Variants in KCNN2 observed in about 807,000 individuals in gnomAD.
KCNN2 encodes the protein small conductance calcium-activated potassium channel protein 2.
Under a neutral mutation model 55.5 loss-of-function variants are expected in KCNN2, and 24 were observed. The ratio of observed to expected loss-of-function variants is 0.43; its 90% confidence interval spans 0.31 to 0.61. KCNN2 has a LOEUF of 0.61. Ranked by LOEUF, KCNN2 falls within the 20% of genes least tolerant of loss-of-function variation. The pLI is 0.08. For missense variants in KCNN2, 754 were observed against 853.6 expected, an observed-to-expected ratio of 0.88 and a Z score of 1.45; for synonymous variants, 431 against 336.1, an observed-to-expected ratio of 1.28 and a Z score of -3.09.
intron 1 of KCNN2, among the ~76,000 whole-genome samples, chr5:114,086,548 C>A (rs543002265): frequency 1.3e-5 from 2 of 151,980 alleles, no homozygotes; most frequent in African/African-American, 4.8e-5. Context: ...GTTTTCTATT[C>A]CTGCATTAAT....
rs1180439307 is a variant in KCNN2, at chr5:114,463,168, T to G, written c.1757T>G (p.Val586Gly). 6.2e-7 allele frequency: 1 copy of G among 1,611,136 alleles called. No individual in the cohort carries two copies. Among genetic ancestry groups the G allele is most frequent in the Non-Finnish European group, 8.5e-7 (1 of 1,179,010 alleles). ...CCTAACACATACTGTGGAAAAGGAG[T>G]CTGCTTACTTACTGGAATTATGGTA... The part of the protein sequence containing the change: ...MVPNTYCGKG[V>G]CLLTGIMGAG... Residue 586 changes from valine to glycine, a missense_variant, in exon 4 of 8, where the codon GTC (valine) becomes GGC (glycine). Transcript: ENST00000673685.
intron 1 of KCNN2, among the ~76,000 whole-genome samples, chr5:114,129,607 T>C (rs1752008844): frequency 6.6e-6 from 1 of 152,224 alleles, no homozygotes; most frequent in Non-Finnish European, 1.5e-5. Flanking sequence ...GATGGTGTTC[T>C]GTGTACCCAT....
chr5:114,120,071 C>G (rs1751795629), intron 1 of KCNN2, among the ~76,000 whole-genome samples: 1 of 152,144 alleles, frequency 6.6e-6, no homozygotes. Context: ...CAGTACCCTA[C>G]TCTTTGATCA....
At chr5:114,238,684 A>G (rs965706957) in intron 2 of KCNN2, among the ~76,000 whole-genome samples, 2 of 152,160 alleles carry the variant, frequency 1.3e-5, no homozygotes, top group East Asian at 1.9e-4. Context: ...TTTCTAAAAA[A>G]CAATTTATTG....
At chr5:114,475,942 G>A (rs1270967978) in intron 5 of KCNN2, among the ~76,000 whole-genome samples, 1 of 152,022 alleles carries the variant, frequency 6.6e-6, no homozygotes, top group Non-Finnish European at 1.5e-5. Context: ...CTTATTGCCT[G>A]TTGAAAGCTT....
chr5:114,233,231 G>C (rs894996506), intron 2 of KCNN2, among the ~76,000 whole-genome samples: 3 of 151,988 alleles, frequency 2.0e-5, no homozygotes, highest in Admixed American at 1.3e-4. Flanking sequence ...ATTGTTTCTT[G>C]TTTTAACAGA....
intron 2 of KCNN2, among the ~76,000 whole-genome samples, chr5:114,343,008 G>T (rs905382657): frequency 6.6e-6 from 1 of 152,124 alleles, no homozygotes; most frequent in African/African-American, 2.4e-5. Flanking sequence ...CTCCTGATAT[G>T]TTTTTTTGAG....
intron 2 of KCNN2, among the ~76,000 whole-genome samples, chr5:114,257,442 G>A (rs1449221016): frequency 6.6e-6 from 1 of 151,822 alleles, no homozygotes; most frequent in African/African-American, 2.4e-5. Context: ...CATTGCTTTG[G>A]GCAGTATGGT....
At chr5:114,249,190 T>TA (rs1754808702) in intron 2 of KCNN2, among the ~76,000 whole-genome samples, 2 of 152,058 alleles carry the variant, frequency 1.3e-5, no homozygotes, top group Admixed American at 1.3e-4. Context: ...TCTTTTTTTT[T>TA]AGACATGAAC....
At chr5:114,316,082 T>C (rs377340611) in intron 2 of KCNN2, among the ~76,000 whole-genome samples, 1 of 152,154 alleles carries the variant, frequency 6.6e-6, no homozygotes, top group African/African-American at 2.4e-5. Flanking sequence ...CTGAAAGATA[T>C]TCATCACACA....
intron 3 of KCNN2, among the ~76,000 whole-genome samples, chr5:114,417,991 C>T (rs1275848537): frequency 6.6e-6 from 1 of 152,112 alleles, no homozygotes; most frequent in Non-Finnish European, 1.5e-5. Context: ...TACATGAGGA[C>T]TTGTGGGGTA....
chr5:114,110,065 T>G (rs867940231), intron 1 of KCNN2, among the ~76,000 whole-genome samples: 3 of 152,076 alleles, frequency 2.0e-5, no homozygotes, highest in Non-Finnish European at 4.4e-5. Context: ...GAGAGCATAA[T>G]GTTACTCCCC....
At chr5:114,190,453 A>G (rs1225382553) in intron 1 of KCNN2, among the ~76,000 whole-genome samples, 1 of 152,182 alleles carries the variant, frequency 6.6e-6, no homozygotes, top group Non-Finnish European at 1.5e-5. Flanking sequence ...AGTTAAAGAA[A>G]GCAAGTTGTA....
chr5:114,138,148 A>G (rs933133420), intron 1 of KCNN2, among the ~76,000 whole-genome samples: 1 of 152,148 alleles, frequency 6.6e-6, no homozygotes, highest in Non-Finnish European at 1.5e-5. Context: ...AAACAAAAAA[A>G]CCCACAACAC....
At chr5:114,377,137 G>T (rs544341674) in intron 2 of KCNN2, among the ~76,000 whole-genome samples, 2 of 152,150 alleles carry the variant, frequency 1.3e-5, no homozygotes, top group South Asian at 4.2e-4. Context: ...TTGCCTAATG[G>T]ATCCTTTTGA....
intron 1 of KCNN2, among the ~76,000 whole-genome samples, chr5:114,064,868 G>C (rs1186295155): frequency 6.6e-6 from 1 of 152,176 alleles, no homozygotes; most frequent in Non-Finnish European, 1.5e-5. Flanking sequence ...TAGTGATAGT[G>C]AACAAAGATG....
chr5:114,075,679 G>A (rs1750672129), intron 1 of KCNN2, among the ~76,000 whole-genome samples: 1 of 152,088 alleles, frequency 6.6e-6, no homozygotes, highest in Admixed American at 6.6e-5. Flanking sequence ...TAGGGCCCAT[G>A]TCCTTATTCC....
chr5:114,197,672 G>A (rs567374117), intron 1 of KCNN2, among the ~76,000 whole-genome samples: 9 of 152,160 alleles, frequency 5.9e-5, no homozygotes, highest in Non-Finnish European at 1.2e-4. Flanking sequence ...TGCAACATGA[G>A]GCTGGGAGGC....
chr5:114,235,848 A>G (rs11749418), intron 2 of KCNN2, among the ~76,000 whole-genome samples: 59,478 of 152,080 alleles, frequency 0.39, 12,237 homozygotes, highest in Middle Eastern at 0.53. Context: ...TTTGTTTCCT[A>G]ACACTCACAG....
Sources: gnomAD v4.1 joint callset for allele counts (sites outside exome capture counted in the v4.1 genomes callset) on GRCh38, gnomAD v4.1.1 for gene constraint, MANE v1.5 for transcripts, NCBI Gene and HGNC (gene_info 2026-07-23, HGNC 2026-07-21) for gene names.